The following DTNB variants were observed in gnomAD, a reference collection of about 807,000 sequenced individuals.
DTNB encodes DTN-B.
Under a neutral mutation model 90.7 loss-of-function variants are expected in DTNB, and 63 were observed. The ratio of observed to expected loss-of-function variants is 0.69; its 90% CI spans 0.57 to 0.86. The LOEUF (loss-of-function observed/expected upper bound fraction) is 0.86. Among genes scored for constraint, DTNB ranks in the 40% least tolerant of loss-of-function variants. DTNB has a pLI of 0.00. For synonymous variants in DTNB, 277 were observed against 286.7 expected, an observed-to-expected ratio of 0.97 and a Z score of 0.34; for missense variants, 744 against 807.1, an observed-to-expected ratio of 0.92 and a Z score of 0.95.
chr2:25,656,316 C>T (rs542995200), intron 1 of DTNB, among the ~76,000 whole-genome samples: 55 of 152,282 alleles, frequency 3.6e-4, no homozygotes, highest in African/African-American at 1.3e-3. Flanking sequence ...TACACTAATG[C>T]CTGTATCTTT....
At chr2:25,652,467 C>A (rs745344124) in intron 2 of DTNB, 127 bp downstream of exon 2, 11 of 913,720 alleles carry the variant, frequency 1.2e-5, no homozygotes, top group Non-Finnish European at 1.7e-5. Context: ...TTCTTTAACT[C>A]CCATTCTTCC....
intron 9 of DTNB, among the ~76,000 whole-genome samples, chr2:25,504,785 C>T (rs1168469384): frequency 6.6e-6 from 1 of 152,166 alleles, no homozygotes; most frequent in Non-Finnish European, 1.5e-5. Flanking sequence ...TAGCAATATT[C>T]CCCAAATAGA....
intron 16 of DTNB, among the ~76,000 whole-genome samples, chr2:25,398,828 C>T (rs545038691): frequency 5.9e-5 from 9 of 152,308 alleles, no homozygotes; most frequent in African/African-American, 1.9e-4. Context: ...GATACTCCCA[C>T]GGAATCTTGT....
chr2:25,568,347 T>C (rs2059346507), intron 8 of DTNB, among the ~76,000 whole-genome samples: 1 of 151,900 alleles, frequency 6.6e-6, no homozygotes, highest in South Asian at 2.1e-4. Flanking sequence ...ACACAATTAA[T>C]AGGAGCTTGG....
intron 4 of DTNB, among the ~76,000 whole-genome samples, chr2:25,614,611 C>T (rs1006753675): frequency 6.6e-6 from 1 of 152,010 alleles, no homozygotes; most frequent in African/African-American, 2.4e-5. Flanking sequence ...CTGAAAACTA[C>T]AAAATACAAA....
chr2:25,570,307 G>T (rs369698570), intron 8 of DTNB, among the ~76,000 whole-genome samples: 1 of 150,706 alleles, frequency 6.6e-6, no homozygotes, highest in East Asian at 2.0e-4. Context: ...ACTCAGGAGG[G>T]TGAGGTGGGA....
chr2:25,581,789 A>C (rs1241871918), intron 6 of DTNB, among the ~76,000 whole-genome samples: 1 of 152,246 alleles, frequency 6.6e-6, no homozygotes, highest in Non-Finnish European at 1.5e-5. Context: ...CAGGTCACAC[A>C]ACTCAACAAG....
chr2:25,663,310 T>C (rs1207425991), intron 1 of DTNB, among the ~76,000 whole-genome samples: 1 of 152,200 alleles, frequency 6.6e-6, no homozygotes, highest in East Asian at 1.9e-4. Context: ...TCCGTTCTAT[T>C]ATTAATGGGC....
chr2:25,622,919 G>A (rs1312826543), intron 4 of DTNB, among the ~76,000 whole-genome samples: 2 of 152,058 alleles, frequency 1.3e-5, no homozygotes. Flanking sequence ...AAATATAATA[G>A]CTAAAGAAAT....
At chr2:25,405,556 T>A (rs1201013601) in intron 16 of DTNB, among the ~76,000 whole-genome samples, 2 of 151,962 alleles carry the variant, frequency 1.3e-5, no homozygotes, top group African/African-American at 4.8e-5. Context: ...AATAAATAAA[T>A]AAAATGTTCT....
chr2:25,496,987 A>G (rs934511843), intron 9 of DTNB, among the ~76,000 whole-genome samples: 6 of 152,234 alleles, frequency 3.9e-5, no homozygotes, highest in Admixed American at 6.5e-5. Flanking sequence ...AAGGCGAAGA[A>G]TAACTATTAA....
At chr2:25,511,099 G>A (rs1321684924) in intron 9 of DTNB, among the ~76,000 whole-genome samples, 1 of 152,182 alleles carries the variant, frequency 6.6e-6, no homozygotes, top group Non-Finnish European at 1.5e-5. Flanking sequence ...TGGTAAATGT[G>A]AGAGGGAATT....
intron 9 of DTNB, among the ~76,000 whole-genome samples, chr2:25,521,386 AT>A (rs58602052): frequency 0.068 from 9,320 of 137,884 alleles, 484 homozygotes; most frequent in African/African-American, 0.16. Flanking sequence ...TGTCCCAATA[AT>A]TTTTTTTTTT....
intron 8 of DTNB, among the ~76,000 whole-genome samples, chr2:25,544,395 A>C (rs1036819715): frequency 6.6e-6 from 1 of 152,240 alleles, no homozygotes; most frequent in Non-Finnish European, 1.5e-5. Context: ...CACAATCTTC[A>C]GCTCAGGGTA....
Position 25,383,630 on chromosome 2 carries a change from T to TG in DTNB, c.1879+205dup, listed in dbSNP as rs746547794. The TG allele has an allele frequency of 3.6e-5, 38 of 1,045,730 alleles. No homozygotes were observed. In the South Asian group the frequency reaches 5.0e-4, roughly 14 times the overall value. The allele number at this position is 1,045,730 out of a possible 1,614,324, so 64.8% of individuals were successfully genotyped here. On this transcript the variant is annotated intron_variant, in intron 19 of 20. Transcript: ENST00000406818. The stretch of plus-strand genomic sequence containing the variant: ...AACTACCTATCCCAGGATCAGGAAA[T>TG]GAGGAAGCTCTTGGTGATCGACTGA...
rs2067281278 is a variant in DTNB, at chr2:25,607,142, A to C, written c.448+94T>G. 9.6e-6 allele frequency: 13 copies of C among 1,356,652 alleles called. No homozygotes were observed. The South Asian group carries it at 1.8e-4, about 19-fold the overall frequency. The allele number at this position is 1,356,652 out of a possible 1,614,324, so 84.0% of individuals were successfully genotyped here. A position where few individuals can be genotyped will look rare whatever the true frequency, so the allele number is the denominator to read the frequency against. On this transcript the variant is annotated intron_variant, in intron 5 of 20. Coordinates refer to ENST00000406818, the MANE Select transcript of DTNB (RefSeq NM_021907.5). ...GTGAGTGACATGGTAATTTTTTTAAAAGCTCAATATAACATCATTCAAAAT... is the reference window on the plus strand; with the variant it reads ...GTGAGTGACATGGTAATTTTTTTAACAGCTCAATATAACATCATTCAAAAT...
Position 25,427,542 on chromosome 2 carries a change from A to C in DTNB, c.1547T>G (p.Leu516Trp). The C allele has an allele frequency of 6.2e-7, 1 of 1,613,748 alleles. No individual in the cohort carries two copies. The highest frequency in any genetic ancestry group is 2.2e-5 in the East Asian group (1 of 44,872). ...LMVQLEELMK[L>W]LKEEEQKQAA... ...TGGGCCACGGGCTCTTACCTTCAGC[A>C]ACTTCATCAGCTCTTCCAGCTGGAC... Residue 516 changes from leucine to tryptophan, a missense_variant, in exon 15 of 21, where the codon TTG (leucine) becomes TGG (tryptophan). Coordinates refer to ENST00000406818, the MANE Select transcript of DTNB (RefSeq NM_021907.5).
At chr2:25,656,386 G>A (rs2082069071) in intron 1 of DTNB, among the ~76,000 whole-genome samples, 1 of 152,166 alleles carries the variant, frequency 6.6e-6, no homozygotes, top group East Asian at 1.9e-4. Context: ...CAATACCACA[G>A]CTGATGAGAT....
intron 16 of DTNB, among the ~76,000 whole-genome samples, chr2:25,411,024 T>C (rs540876107): frequency 6.6e-6 from 1 of 151,540 alleles, no homozygotes; most frequent in South Asian, 2.1e-4. Context: ...TGGGGGGCCA[T>C]CCTCAAGCTT....
Sources: gnomAD v4.1 joint callset for allele counts (sites outside exome capture counted in the v4.1 genomes callset) on GRCh38, gnomAD v4.1.1 for gene constraint, MANE v1.5 for transcripts, NCBI Gene and HGNC (gene_info 2026-07-23, HGNC 2026-07-21) for gene names.